The following DICER1 variants were observed in gnomAD, a reference collection of about 807,000 sequenced individuals.
DICER1 encodes the protein endoribonuclease Dicer.
In DICER1, 43 loss-of-function variants were observed where a neutral mutation model predicts 194.1. That is an observed-to-expected ratio of 0.22 (90% confidence interval 0.17 to 0.29). The LOEUF (loss-of-function observed/expected upper bound fraction) is 0.29. DICER1 is among the 10% of genes least tolerant of loss of function. The pLI, the probability that DICER1 is intolerant of heterozygous loss-of-function variation, is 1.00. For missense variants in DICER1, 1,608 were observed against 2,317.0 expected (o/e 0.69, Z 6.28); for synonymous variants, 832 against 820.5 (o/e 1.01, Z -0.24).
chr14:95,090,303 C>G lies in DICER1; in HGVS notation c.*195G>C. ...ATTGTGTTTGCGCAAAAAACTAAAA[C>G]TACAATTAGTTCCAAAATTTTATAC... On this transcript the variant is annotated 3_prime_UTR_variant, in exon 27 of 27. Transcript: ENST00000343455. 1.6e-6 allele frequency: 1 copy of G among 635,438 alleles called. No individual in the cohort carries two copies. Among genetic ancestry groups the G allele is most frequent in the Admixed American group, 2.9e-5 (1 of 34,280 alleles). 39.4% of individuals were successfully genotyped at this position (635,438 alleles called of 1,614,324 possible).
chr14:95,116,352 A>T, intron 10 of DICER1, 101 bp downstream of exon 10: 6 of 1,418,594 alleles, frequency 4.2e-6, no homozygotes, highest in Non-Finnish European at 5.8e-6. Flanking sequence ...TTGCCTGTAG[A>T]TAAAACTCAT....
At chr14:95,148,040 ATAAG>A (rs1479456256) in intron 1 of DICER1, among the ~76,000 whole-genome samples, 25 of 152,374 alleles carry the variant, frequency 1.6e-4, no homozygotes, top group Non-Finnish European at 4.4e-5. Context: ...CTCAATAAAA[ATAAG>A]TAAATTAATT....
chr14:95,091,171 GTTTT>G (rs759659916), intron 25 of DICER1, 28 bp downstream of exon 25: 3 of 1,614,028 alleles, frequency 1.9e-6, no homozygotes, highest in African/African-American at 1.3e-5. Flanking sequence ...AATTTTGTGG[GTTTT>G]TTTCTTTCTA....
In DICER1 at chr14:95,124,712, A is replaced by G. The variant is rs1289408375; in HGVS notation, c.904-44T>C. 4 of 1,466,716 alleles carry G rather than the reference A, an allele frequency of 2.7e-6. No individual in the cohort carries two copies. Among genetic ancestry groups the G allele is most frequent in the East Asian group, 2.3e-5 (1 of 44,102 alleles). 90.9% of individuals were successfully genotyped at this position (1,466,716 alleles called of 1,614,324 possible). A position where few individuals can be genotyped will look rare whatever the true frequency, so the allele number is the denominator to read the frequency against. On this transcript the variant is annotated intron_variant, in intron 7 of 26. Coordinates refer to ENST00000343455, the MANE Select transcript of DICER1 (RefSeq NM_177438.3). The surrounding 1 kb of genome is among the most constrained non-coding windows in gnomAD (Gnocchi z 4.5). ...AAAAAACCTAATGCCAAATAATAAT[A>G]ATGTAGCATTTTCATGTGGGGTTTA...
rs73331549 is a variant in DICER1 at position 95,132,270 on chromosome 14, T to C, written c.307+245A>G. On this transcript the variant is annotated intron_variant, in intron 3 of 26. Transcript: ENST00000343455. ...TGTAACAACTTAGATTATGTTCTAA[T>C]GTACATATGTTCCAATACTTATGTT... Among the ~76,000 whole-genome samples the C allele has an allele frequency of 0.028, 4,229 of 152,316 alleles. 195 individuals carry two copies. The highest frequency in any genetic ancestry group is 0.095 in the African/African-American group (3,966 of 41,560).
At chr14:95,094,536 A>AC (rs1890140317) in intron 23 of DICER1, among the ~76,000 whole-genome samples, 1 of 152,174 alleles carries the variant, frequency 6.6e-6, no homozygotes, top group African/African-American at 2.4e-5. Context: ...CTTAAGTGAA[A>AC]CCAGGGCCGC....
At chr14:95,119,500 T>C (rs1272729454) in intron 8 of DICER1, among the ~76,000 whole-genome samples, 1 of 152,222 alleles carries the variant, frequency 6.6e-6, no homozygotes, top group Non-Finnish European at 1.5e-5. Flanking sequence ...AGCCAGGCAG[T>C]CACATCATGT....
In DICER1 at chr14:95,103,958, A is replaced by G. The variant is rs1595367002; in HGVS notation, c.3438T>C (p.His1146=). ...TTCTGCAGTTCACAGACATTTGGTC[A>G]TGATTTTCTAGAGAGGAGGTTCTAT... ...GANRTSSLEN[H]DQMSVNCRTL... is the part of the protein sequence containing the mutation. The change falls in exon 21 of 27, where the codon CAT becomes CAC. Residue 1146 remains histidine, a synonymous_variant. Coordinates refer to ENST00000343455, the MANE Select transcript of DICER1 (RefSeq NM_177438.3). The G allele has an allele frequency of 6.2e-7, 1 of 1,614,240 alleles. No individual in the cohort carries two copies. The highest frequency in any genetic ancestry group is 8.5e-7 in the Non-Finnish European group (1 of 1,180,036).
rs957656702 is a variant in DICER1, at chr14:95,099,673, G to C, written c.4206+107C>G. 10 of 1,413,012 alleles carry C rather than the reference G, an allele frequency of 7.1e-6. No individual in the cohort carries two copies. The East Asian group carries it at 1.0e-4, about 14-fold the overall frequency. 87.5% of individuals were successfully genotyped at this position (1,413,012 alleles called of 1,614,324 possible). ...TCTATTATAAACATACCAAGAAAAT[G>C]AAACAAAAAATTAATAAAACAAATT... On this transcript the variant is annotated intron_variant, in intron 22 of 26. Transcript: ENST00000343455.
Position 95,104,084 on chromosome 14 carries a change from G to A in DICER1, c.3312C>T (p.Ser1104=). 3 of 1,613,910 alleles carry A rather than the reference G, an allele frequency of 1.9e-6. No homozygotes were observed. Among genetic ancestry groups the A allele is most frequent in the Non-Finnish European group, 2.5e-6 (3 of 1,179,956 alleles). Residue 1104 remains serine (S), a synonymous_variant, in exon 21 of 27, where the codon AGC becomes AGT. Coordinates refer to ENST00000343455, the MANE Select transcript of DICER1 (RefSeq NM_177438.3). ...AGTTAGAAATTGAGATGAAAGATTT[G>A]CTGTCAATAGATTTTTTCCACCCGA... ...LDFGWKKSID[S]KSFISISNSS... is the part of the protein sequence containing the mutation.
intron 22 of DICER1, among the ~76,000 whole-genome samples, chr14:95,099,353 A>G (rs1890650587): frequency 6.6e-6 from 1 of 152,204 alleles, no homozygotes; most frequent in Non-Finnish European, 1.5e-5. Flanking sequence ...CCTGAGCTAC[A>G]AAAGCAAGAT....
At position 95,115,819 on chromosome 14, in the gene DICER1, G is replaced by A; in HGVS notation, c.1755C>T (p.Ile585=). Residue 585 remains isoleucine, a splice_region_variant and synonymous_variant, in exon 11 of 27, where the codon ATC becomes ATT. Transcript: ENST00000343455. ...CCGACTTGGAACACTTGTTTCTCAA[G>A]ATCTGAACATTTAAAAAACAGAACT... ...DLKTYKAIEK[I]LRNKCSKSVD... The A allele has an allele frequency of 6.2e-7, 1 of 1,614,054 alleles. No homozygotes were observed. The highest frequency in any genetic ancestry group is 1.3e-5 in the African/African-American group (1 of 75,018).
In DICER1 at chr14:95,116,664, T is replaced by C. The variant is rs750188806; in HGVS notation, c.1541A>G (p.Asn514Ser). ...TACAATACTTGTTGCAATAAGCAGG[T>C]TGGTCTCATGTGCTCGAAATTTCCT... ...VLRKFRAHET[N>S]LLIATSIVEE... The change falls in exon 10 of 27, where the codon AAC becomes AGC. Residue 514 changes from asparagine to serine, a missense_variant. Physicochemically the swap from Asn to Ser is conservative, Grantham distance 46. Around this residue, in one of 10 missense-constraint regions of DICER1, gnomAD observed 657 missense variants for 910.1 expected, o/e 0.72. Transcript: ENST00000343455. 2 of 1,613,406 alleles carry C rather than the reference T, an allele frequency of 1.2e-6. No individual in the cohort carries two copies. The highest frequency in any genetic ancestry group is 8.5e-7 in the Non-Finnish European group (1 of 1,179,708).
chr14:95,098,621 T>C (rs1041785812), intron 22 of DICER1, among the ~76,000 whole-genome samples: 5 of 152,188 alleles, frequency 3.3e-5, no homozygotes, highest in Admixed American at 2.0e-4. Context: ...GCCAAAAACA[T>C]TATGAAACGG....
Position 95,090,367 on chromosome 14 carries a change from C to G in DICER1, c.*131G>C. The G allele has an allele frequency of 2.9e-6, 3 of 1,019,148 alleles. No homozygotes were observed. The highest frequency in any genetic ancestry group is 4.5e-6 in the Non-Finnish European group (3 of 665,976). 63.1% of individuals were successfully genotyped at this position (1,019,148 alleles called of 1,614,324 possible). On this transcript the variant is annotated 3_prime_UTR_variant, in exon 27 of 27. Transcript: ENST00000343455. Reference sequence around the variant, plus strand: ...TTTATTCTGTTATCTATCCTGTTATCAACCAAACTTTAAATTCTGCCTTCA... The same window carrying G: ...TTTATTCTGTTATCTATCCTGTTATGAACCAAACTTTAAATTCTGCCTTCA...
At chr14:95,100,431 T>C (rs986831839) in intron 21 of DICER1, among the ~76,000 whole-genome samples, 1 of 152,236 alleles carries the variant, frequency 6.6e-6, no homozygotes, top group Admixed American at 6.5e-5. Flanking sequence ...GTTATATTCC[T>C]AGAATCGAAG....
rs1595380042 is a variant in DICER1 at position 95,107,895 on chromosome 14, G to C, written c.2635C>G (p.Leu879Val). The change falls in exon 16 of 27, where the codon CTA becomes GTA. Residue 879 changes from leucine (L) to valine (V), a missense_variant. Physicochemically the swap from Leu to Val is conservative, Grantham distance 32. Coordinates refer to ENST00000343455, the MANE Select transcript of DICER1 (RefSeq NM_177438.3). ...TTTTTCTTACCAACATTAAGAGGTA[G>C]AACACAGTATGCTGAATCAGCGTCT... ...PTDADSAYCV[L>V]PLNVVNDSST... is the part of the protein sequence containing the mutation. 1 of 1,613,652 alleles carries C rather than the reference G, an allele frequency of 6.2e-7. No individual in the cohort carries two copies.
At chr14:95,122,481 C>T (rs148239062) in intron 8 of DICER1, among the ~76,000 whole-genome samples, 168 of 152,304 alleles carry the variant, frequency 1.1e-3, no homozygotes, top group African/African-American at 3.8e-3. Flanking sequence ...TAGTCACGCT[C>T]TCCCAGGTCC....
At chr14:95,109,345 G>A (rs1891746940) in intron 14 of DICER1, among the ~76,000 whole-genome samples, 1 of 152,192 alleles carries the variant, frequency 6.6e-6, no homozygotes. Context: ...ATTTAATAGA[G>A]AATCAGAAAA....
Sources: allele counts gnomAD v4.1 joint callset (sites outside exome capture counted in the v4.1 genomes callset), GRCh38; gene constraint gnomAD v4.1.1; regional missense constraint gnomAD v4.1.1; non-coding constraint Gnocchi (gnomAD v3.1); transcripts MANE v1.5; gene names NCBI Gene and HGNC (gene_info 2026-07-23, HGNC 2026-07-21).